CBLB: variants seen among roughly 807,000 people sequenced by gnomAD.
CBLB encodes the protein Cbl proto-oncogene B, also known as E3 ubiquitin-protein ligase CBL-B.
A neutral mutation model predicts 104.9 loss-of-function variants in CBLB; 31 were observed. That is an observed-to-expected ratio of 0.30 (90% CI 0.22 to 0.40). The LOEUF is 0.40. CBLB is among the 10% of genes least tolerant of loss of function. CBLB has a pLI of 1.00. For missense variants in CBLB, 1,062 were observed against 1,214.6 expected (o/e 0.87, Z 1.87); for synonymous variants, 440 against 422.6 (o/e 1.04, Z -0.51).
At chr3:105,760,623 A>AC (rs1232214596) in intron 4 of CBLB, among the ~76,000 whole-genome samples, 3 of 152,008 alleles carry the variant, frequency 2.0e-5, no homozygotes, top group African/African-American at 4.8e-5. Context: ...TTACAAACAA[A>AC]AAAAAAAGTC....
At chr3:105,821,400 G>T (rs1408234576) in intron 3 of CBLB, among the ~76,000 whole-genome samples, 4 of 152,118 alleles carry the variant, frequency 2.6e-5, no homozygotes, top group South Asian at 2.1e-4. Flanking sequence ...AACTGCCAGA[G>T]CAAATGATCT....
In CBLB at chr3:105,762,604, A is replaced by C. The variant is rs573319936; in HGVS notation, c.567-10986T>G. ...CAGGTGCACAGAAGTCAAGAAGTTA[A>C]GGTATAGGAATCTCTGCCTAGATTT... is the stretch of plus-strand genomic sequence containing the variant. On this transcript the variant is annotated intron_variant, in intron 4 of 18. Transcript: ENST00000394030. 1.5e-4 allele frequency among the ~76,000 whole-genome samples: 23 copies of C among 152,368 alleles called. No individual in the cohort carries two copies. In the East Asian group the frequency reaches 4.2e-3, roughly 28 times the overall value.
intron 5 of CBLB, among the ~76,000 whole-genome samples, chr3:105,747,067 T>C (rs1414115308): frequency 1.3e-5 from 2 of 152,188 alleles, no homozygotes; most frequent in Middle Eastern, 3.2e-3. Flanking sequence ...CACTGTATCA[T>C]TCTCTCTTTA....
intron 5 of CBLB, among the ~76,000 whole-genome samples, chr3:105,748,034 T>TA (rs1247004957): frequency 6.6e-6 from 1 of 152,220 alleles, no homozygotes; most frequent in Non-Finnish European, 1.5e-5. Context: ...CAGAAACATG[T>TA]AGTACTTATG....
At chr3:105,666,413 C>T (rs557408865) in intron 18 of CBLB, among the ~76,000 whole-genome samples, 8 of 152,184 alleles carry the variant, frequency 5.3e-5, no homozygotes, top group South Asian at 2.1e-4. Flanking sequence ...GCTGGCCACG[C>T]GCAGTGGCTC....
intron 16 of CBLB, chr3:105,681,194 T>C: frequency 2.0e-6 from 1 of 500,086 alleles, no homozygotes; most frequent in Admixed American, 3.5e-5. Flanking sequence ...ACTTCAAAAC[T>C]ACTAGAGCAC....
chr3:105,658,609 A>C lies in CBLB; in HGVS notation c.*361T>G, dbSNP rs1453847290. ...AAAGGGTCTGTGAAGAACACAGTAC[A>C]GGTATCAAAACACCAAAACAAAACT... On this transcript the variant is annotated 3_prime_UTR_variant, in exon 19 of 19. Coordinates refer to ENST00000394030, the MANE Select transcript of CBLB (RefSeq NM_170662.5). 1 of 378,924 alleles carries C rather than the reference A, an allele frequency of 2.6e-6. No homozygotes were observed. The highest frequency in any genetic ancestry group is 2.0e-5 in the African/African-American group (1 of 50,136). The allele number at this position is 378,924 out of a possible 1,614,324, so 23.5% of individuals were successfully genotyped here. A position where few individuals can be genotyped will look rare whatever the true frequency, so the allele number is the denominator to read the frequency against.
intron 1 of CBLB, among the ~76,000 whole-genome samples, chr3:105,867,917 TC>T (rs1287454908): frequency 6.6e-6 from 1 of 151,264 alleles, no homozygotes; most frequent in Non-Finnish European, 1.5e-5. Flanking sequence ...TAAACAGGTT[TC>T]CCCCACCTAG....
At position 105,745,923 on chromosome 3, in the gene CBLB, G is replaced by A. The variant is rs757307211; in HGVS notation, c.839C>T (p.Pro280Leu). ...KARLQKYSTK[P>L]GSYIFRLSCT... ...TACTGCTAAAAAGTCTTACCTTCCG[G>A]GTTTGGTGCTATATTTCTGTAGTCG... The change falls in exon 6 of 19, where the codon CCC becomes CTC. Residue 280 changes from proline (P) to leucine (L), a missense_variant. Physicochemically the swap from Pro to Leu is moderately conservative, Grantham distance 98. Around this residue, in one of 2 missense-constraint regions of CBLB, gnomAD observed 457 missense variants for 632.0 expected, o/e 0.72. Transcript: ENST00000394030. 1.2e-6 allele frequency: 2 copies of A among 1,611,582 alleles called. No homozygotes were observed. Among genetic ancestry groups the A allele is most frequent in the Non-Finnish European group, 1.7e-6 (2 of 1,177,876 alleles).
chr3:105,818,614 T>C (rs1363451356), intron 3 of CBLB, among the ~76,000 whole-genome samples: 1 of 152,266 alleles, frequency 6.6e-6, no homozygotes, highest in Non-Finnish European at 1.5e-5. Context: ...TTACTTTTTA[T>C]AGTAAGTATA....
chr3:105,724,263 G>A (rs1303351537), intron 9 of CBLB: 1 of 158,982 alleles, frequency 6.3e-6, no homozygotes, highest in Non-Finnish European at 1.4e-5. Context: ...GAGCAGGAGA[G>A]ATCTTTGGTT....
In CBLB at chr3:105,734,028, G is replaced by T. The variant is rs1356763973; in HGVS notation, c.1184C>A (p.Ser395Tyr). The change falls in exon 9 of 19, where the codon TCT (serine) becomes TAT (tyrosine). Residue 395 changes from serine to tyrosine, a missense_variant. This residue lies in a region of CBLB where 457 missense variants were observed against 632.0 expected (regional missense o/e 0.72). Transcript: ENST00000394030. ...TTATACCTGCCATGCCGTAAGGCAA[G>T]AGGTGCACATCAAATGCCCACAAGG... is the stretch of plus-strand genomic sequence containing the variant. ...IEPCGHLMCT[S>Y]CLTAWQESDG... 5 of 1,613,940 alleles carry T rather than the reference G, an allele frequency of 3.1e-6. No individual in the cohort carries two copies. The highest frequency in any genetic ancestry group is 4.2e-6 in the Non-Finnish European group (5 of 1,179,826).
rs185110368 is a variant in CBLB, at chr3:105,801,450, T to A, written c.420-24908A>T. 1.7e-3 allele frequency among the ~76,000 whole-genome samples: 258 copies of A among 152,330 alleles called. 1 individual carries two copies. The highest frequency in any genetic ancestry group is 4.4e-3 in the African/African-American group (185 of 41,584). The stretch of plus-strand genomic sequence containing the variant: ...GGAACTCAAAAGTTAAAATGAGTAA[T>A]CCTCTAACAAATGGCTAGTCAAATT... On this transcript the variant is annotated intron_variant, in intron 3 of 18. Transcript: ENST00000394030.
At chr3:105,720,712 T>C (rs1023233290) in intron 9 of CBLB, among the ~76,000 whole-genome samples, 1 of 152,240 alleles carries the variant, frequency 6.6e-6, no homozygotes, top group Non-Finnish European at 1.5e-5. Flanking sequence ...CATCTAACTG[T>C]GGCTAAATAT....
chr3:105,848,065 A>G (rs1408580606), intron 3 of CBLB, among the ~76,000 whole-genome samples: 1 of 152,004 alleles, frequency 6.6e-6, no homozygotes, highest in Non-Finnish European at 1.5e-5. Context: ...GAAATCACTG[A>G]ATTACTCTTC....
intron 4 of CBLB, among the ~76,000 whole-genome samples, chr3:105,765,190 C>T (rs536895244): frequency 5.2e-4 from 79 of 152,248 alleles, no homozygotes; most frequent in African/African-American, 1.5e-3. Flanking sequence ...AAAGAAAATG[C>T]TATCTAGAAA....
chr3:105,671,801 TTTCA>T (rs1378934521), intron 17 of CBLB: 2 of 195,506 alleles, frequency 1.0e-5, no homozygotes, highest in African/African-American at 4.6e-5. Flanking sequence ...TTTAACTTGT[TTTCA>T]TTAATTTCAA....
chr3:105,838,083 C>CTT (rs11294272), intron 3 of CBLB, among the ~76,000 whole-genome samples: 177 of 116,334 alleles, frequency 1.5e-3, no homozygotes, highest in African/African-American at 4.4e-3. Context: ...TCCTTTTTTT[C>CTT]TTTTTTTTTT....
rs1406660987 is a variant in CBLB, at chr3:105,658,768, C to T, written c.*202G>A. On this transcript the variant is annotated 3_prime_UTR_variant, in exon 19 of 19. Transcript: ENST00000394030. ...GTTCAACCCTGATTTAAAAATATGG[C>T]TAGCAAAAACAAGGAAGCCACAGCT... is the stretch of plus-strand genomic sequence containing the variant. 1 of 589,660 alleles carries T rather than the reference C, an allele frequency of 1.7e-6. No homozygotes were observed. The highest frequency in any genetic ancestry group is 1.9e-5 in the African/African-American group (1 of 53,888). 36.5% of individuals were successfully genotyped at this position (589,660 alleles called of 1,614,324 possible). A position where few individuals can be genotyped will look rare whatever the true frequency, so the allele number is the denominator to read the frequency against.
Sources: allele counts gnomAD v4.1 joint callset (sites outside exome capture counted in the v4.1 genomes callset), GRCh38; gene constraint gnomAD v4.1.1; regional missense constraint gnomAD v4.1.1; transcripts MANE v1.5; gene names NCBI Gene and HGNC (gene_info 2026-07-23, HGNC 2026-07-21).